TNRC6B: variants seen among roughly 807,000 people sequenced by gnomAD.
The protein encoded by TNRC6B is trinucleotide repeat-containing gene 6B protein.
In TNRC6B, 52 loss-of-function variants were observed where a neutral mutation model predicts 203.6. That is an observed-to-expected ratio of 0.26 (90% confidence interval 0.20 to 0.32). The LOEUF (loss-of-function observed/expected upper bound fraction) is 0.32. Ranked by LOEUF, TNRC6B falls within the 10% of genes least tolerant of loss-of-function variation. TNRC6B has a pLI of 1.00. For missense variants in TNRC6B, 1,923 were observed against 2,286.2 expected, an observed-to-expected ratio of 0.84 and a Z score of 3.24; for synonymous variants, 838 against 845.7, an observed-to-expected ratio of 0.99 and a Z score of 0.16.
At chr22:40,154,767 G>A (rs2068796201) in intron 3 of TNRC6B, among the ~76,000 whole-genome samples, 1 of 142,284 alleles carries the variant, frequency 7.0e-6, no homozygotes, top group African/African-American at 2.6e-5. Context: ...TGTGAACCTG[G>A]GAGGCAGAGC....
chr22:40,087,574 C>G (rs1465964859), intron 1 of TNRC6B, among the ~76,000 whole-genome samples: 1 of 152,130 alleles, frequency 6.6e-6, no homozygotes, highest in Non-Finnish European at 1.5e-5. Flanking sequence ...GAGTGATTAA[C>G]TGGGGGGAGC....
chr22:40,117,675 C>A (rs2068402570), intron 2 of TNRC6B, among the ~76,000 whole-genome samples: 1 of 151,794 alleles, frequency 6.6e-6, no homozygotes, highest in African/African-American at 2.4e-5. Flanking sequence ...TGGCTTTGTG[C>A]CTTGGTTGAT....
In TNRC6B at chr22:40,273,566, C is replaced by A; in HGVS notation, c.3107C>A (p.Ala1036Glu). The A allele has an allele frequency of 6.3e-7, 1 of 1,587,674 alleles. No individual in the cohort carries two copies. Residue 1036 changes from alanine (A) to glutamate (E), a missense_variant, in exon 7 of 23, where the codon GCA becomes GAA. Transcript: ENST00000454349. ...SQGSASSHNS[A>E]SWGQGGKKQM... Reference sequence around the variant, plus strand: ...GGCAGTGCTTCCTCCCACAACTCAGCAAGCTGGGGACAAGGAGGAAAGAAA... The same window carrying A: ...GGCAGTGCTTCCTCCCACAACTCAGAAAGCTGGGGACAAGGAGGAAAGAAA...
rs1174494321 is a variant in TNRC6B at position 40,228,664 on chromosome 22, A to C, written c.6-17351A>C. ...CCTCCCGAGTAGCTGGGACTACAGG[A>C]GCCCGCCACCATGCCTGGCTAATTT... On this transcript the variant is annotated intron_variant, in intron 1 of 22. Coordinates refer to ENST00000454349, the MANE Select transcript of TNRC6B (RefSeq NM_001162501.2). 3.3e-5 allele frequency among the ~76,000 whole-genome samples: 5 copies of C among 149,764 alleles called. No individual in the cohort carries two copies. In the East Asian group the frequency reaches 1.0e-3, roughly 30 times the overall value.
chr22:40,319,863 G>T (rs1186038946), intron 21 of TNRC6B, among the ~76,000 whole-genome samples: 1 of 152,190 alleles, frequency 6.6e-6, no homozygotes, highest in Non-Finnish European at 1.5e-5. Flanking sequence ...GCCTTGGAAG[G>T]TGTTCCCCTC....
rs368678917 is a variant in TNRC6B, at chr22:40,171,656, A to G, written c.113+15474A>G. 1.2e-4 allele frequency among the ~76,000 whole-genome samples: 19 copies of G among 152,248 alleles called. No homozygotes were observed. In the East Asian group the frequency reaches 1.7e-3, roughly 14 times the overall value. ...CAGTGGAAAGCAACTAATGGATAAA[A>G]TGGCGCTGTTTTCTTTTCCTGCTGA... On this transcript the variant is annotated intron_variant, in intron 4 of 23. Transcript: ENST00000301923.
At chr22:40,273,740 C>G in intron 7 of TNRC6B, 140 bp downstream of exon 7, 1 of 875,906 alleles carries the variant, frequency 1.1e-6, no homozygotes, top group Non-Finnish European at 1.7e-6. Context: ...TCACGACTCG[C>G]TGAGCAACCT....
Position 40,261,979 on chromosome 22 carries a change from C to A in TNRC6B, c.263C>A (p.Pro88His). 1 of 1,612,146 alleles carries A rather than the reference C, an allele frequency of 6.2e-7. No individual in the cohort carries two copies. The change falls in exon 4 of 23, where the codon CCT (proline) becomes CAT (histidine). Residue 88 changes from proline to histidine, a missense_variant. Pro to His is a moderately conservative substitution (Grantham distance 77). Around this residue, in one of 8 missense-constraint regions of TNRC6B, gnomAD observed 111 missense variants for 155.3 expected, o/e 0.71. Transcript: ENST00000454349. ...CCGCCAAGCGCCGCCCGCTACATGC[C>A]TCGGGAGGTGCCGCCGCGATTCCGT... ...GQPPSAARYM[P>H]REVPPRFRCQ... is the part of the protein sequence containing the mutation.
intron 3 of TNRC6B, among the ~76,000 whole-genome samples, 181 bp downstream of exon 3, chr22:40,251,381 G>C (rs575296416): frequency 8.6e-4 from 131 of 152,296 alleles, no homozygotes; most frequent in Middle Eastern, 3.4e-3. Flanking sequence ...GGTGTTTCTA[G>C]TTGGCCTTAA....
At chr22:40,137,429 C>G (rs1267935280) in intron 3 of TNRC6B, among the ~76,000 whole-genome samples, 1 of 152,154 alleles carries the variant, frequency 6.6e-6, no homozygotes, top group Non-Finnish European at 1.5e-5. Flanking sequence ...TCAGCTGTTT[C>G]CTTATGTCAG....
intron 4 of TNRC6B, among the ~76,000 whole-genome samples, chr22:40,156,768 T>C (rs2068822143): frequency 1.3e-5 from 2 of 150,782 alleles, no homozygotes; most frequent in African/African-American, 4.9e-5. Flanking sequence ...TTTTTTTTTT[T>C]TTTTTCTTGA....
Position 40,178,048 on chromosome 22 carries a change from C to T in TNRC6B, c.-88C>T, listed in dbSNP as rs1270002964. 2 of 1,587,808 alleles carry T rather than the reference C, an allele frequency of 1.3e-6. No homozygotes were observed. The highest frequency in any genetic ancestry group is 1.8e-4 in the Middle Eastern group (1 of 5,518). On this transcript the variant is annotated 5_prime_UTR_variant, in exon 1 of 23. Transcript: ENST00000454349. The stretch of plus-strand genomic sequence containing the variant: ...TTTAAAATACAAAAAAACAGATAGA[C>T]AAAAAGAATTCATTTTTTGGACCTT...
At chr22:40,154,415 G>GATC (rs1452976532) in intron 3 of TNRC6B, among the ~76,000 whole-genome samples, 1 of 151,408 alleles carries the variant, frequency 6.6e-6, no homozygotes, top group Non-Finnish European at 1.5e-5. Flanking sequence ...AGTGAGCCAA[G>GATC]ATCACGTCAT....
chr22:40,152,730 C>T (rs972405558), intron 3 of TNRC6B, among the ~76,000 whole-genome samples: 6 of 152,128 alleles, frequency 3.9e-5, no homozygotes, highest in Non-Finnish European at 8.8e-5. Flanking sequence ...CTCAGCCTCC[C>T]AAACTGCTGG....
At chr22:40,260,915 T>G (rs1292391443) in intron 3 of TNRC6B, among the ~76,000 whole-genome samples, 2 of 152,190 alleles carry the variant, frequency 1.3e-5, no homozygotes, top group Non-Finnish European at 2.9e-5. Context: ...AAAAACTGTT[T>G]CCCTTGAGAG....
chr22:40,190,817 T>C (rs2069261155), intron 1 of TNRC6B, among the ~76,000 whole-genome samples: 1 of 152,144 alleles, frequency 6.6e-6, no homozygotes, highest in African/African-American at 2.4e-5. Flanking sequence ...TTTGGAAGCA[T>C]TGGCATGCTG....
At chr22:40,170,806 T>C (rs1157003661) in intron 4 of TNRC6B, among the ~76,000 whole-genome samples, 1 of 38,184 alleles carries the variant, frequency 2.6e-5, no homozygotes, top group Non-Finnish European at 4.4e-5. Flanking sequence ...TATATACATA[T>C]ATGTACATAT....
intron 12 of TNRC6B, among the ~76,000 whole-genome samples, chr22:40,293,946 GAAA>G (rs1019461239): frequency 1.6e-5 from 2 of 128,564 alleles, no homozygotes. Flanking sequence ...GCTCTACCTA[GAAA>G]AAAAAAAAAA....
chr22:40,057,301 T>TTC (rs1199809509), intron 1 of TNRC6B, among the ~76,000 whole-genome samples: 1 of 151,352 alleles, frequency 6.6e-6, no homozygotes, highest in Admixed American at 6.6e-5. Context: ...GGTTTTTTTT[T>TTC]TTTTTTTTTG....
Sources: gnomAD v4.1 joint callset for allele counts (sites outside exome capture counted in the v4.1 genomes callset) on GRCh38, gnomAD v4.1.1 for gene constraint, gnomAD v4.1.1 regional missense constraint, MANE v1.5 for transcripts, NCBI Gene and HGNC (gene_info 2026-07-23, HGNC 2026-07-21) for gene names.